The following HYCC2 variants were observed in gnomAD, a reference collection of about 807,000 sequenced individuals.
HYCC2 encodes hyccin 2.
the HYCC2 span, among the ~76,000 whole-genome samples, chr2:201,050,637 A>G: frequency 1.3e-5 from 2 of 151,648 alleles, no homozygotes. Flanking sequence ...TCCTATTTTT[A>G]AGAACCATTA....
At chr2:200,976,435 G>T in the HYCC2 span, 1 of 152,214 alleles carries the variant, frequency 6.6e-6, no homozygotes, top group Admixed American at 6.5e-5. Context: ...CTAAAGACAG[G>T]TACTACATTT....
the HYCC2 span, among the ~76,000 whole-genome samples, chr2:201,049,005 T>C: frequency 6.6e-6 from 1 of 151,440 alleles, no homozygotes; most frequent in South Asian, 2.1e-4. Context: ...GGTGTGTGCC[T>C]GTAGTCCCAG....
the HYCC2 span, among the ~76,000 whole-genome samples, chr2:201,059,353 T>C: frequency 6.6e-6 from 1 of 152,192 alleles, no homozygotes; most frequent in East Asian, 1.9e-4. Context: ...CCATCTCTTA[T>C]ACCTCTCAGA....
chr2:201,008,934 T>G, the HYCC2 span: 1 of 1,168,032 alleles, frequency 8.6e-7, no homozygotes, highest in African/African-American at 1.5e-5. Flanking sequence ...CATGCATACA[T>G]ACATACAAGT....
chr2:201,029,942 C>T, the HYCC2 span, among the ~76,000 whole-genome samples: 12 of 152,060 alleles, frequency 7.9e-5, no homozygotes, highest in African/African-American at 2.9e-4. Context: ...AAAAAATTAG[C>T]TGGATATAGT....
chr2:201,028,754 T>G, the HYCC2 span, among the ~76,000 whole-genome samples: 1 of 152,198 alleles, frequency 6.6e-6, no homozygotes, highest in Non-Finnish European at 1.5e-5. Context: ...GAAATCTGGA[T>G]AGCCAAATGT....
At chr2:201,008,156 A>G in the HYCC2 span, among the ~76,000 whole-genome samples, 284 of 152,312 alleles carry the variant, frequency 1.9e-3, 3 homozygotes, top group African/African-American at 6.4e-3. Context: ...GTCAGAAGTG[A>G]GGGCAATTTT....
At chr2:200,988,597 A>G in the HYCC2 span, among the ~76,000 whole-genome samples, 2 of 152,226 alleles carry the variant, frequency 1.3e-5, no homozygotes, top group African/African-American at 4.8e-5. Flanking sequence ...AATTTCTAAA[A>G]TATGAGTCAC....
chr2:201,031,718 C>T, the HYCC2 span, among the ~76,000 whole-genome samples: 3 of 152,158 alleles, frequency 2.0e-5, no homozygotes, highest in Middle Eastern at 3.4e-3. Flanking sequence ...AATTAAAAAC[C>T]ACATTCATGG....
At chr2:200,991,934 G>A in the HYCC2 span, among the ~76,000 whole-genome samples, 1 of 151,722 alleles carries the variant, frequency 6.6e-6, no homozygotes, top group Admixed American at 6.6e-5. Flanking sequence ...AGGTGTTTAT[G>A]TCGGGGCCGG....
chr2:201,034,498 G>A, the HYCC2 span, among the ~76,000 whole-genome samples: 1 of 152,090 alleles, frequency 6.6e-6, no homozygotes, highest in Non-Finnish European at 1.5e-5. Flanking sequence ...GCCTATGTGT[G>A]TCTCTGCACA....
At chr2:201,029,406 T>C in the HYCC2 span, among the ~76,000 whole-genome samples, 3 of 152,356 alleles carry the variant, frequency 2.0e-5, no homozygotes, top group East Asian at 5.8e-4. Context: ...AAATACCATT[T>C]GACCCAGCGA....
At chr2:200,984,588 C>T in the HYCC2 span, among the ~76,000 whole-genome samples, 1 of 152,202 alleles carries the variant, frequency 6.6e-6, no homozygotes, top group African/African-American at 2.4e-5. Context: ...TTCCTTTCTT[C>T]TGTTTAAAAA....
At chr2:201,022,293 G>A in the HYCC2 span, among the ~76,000 whole-genome samples, 2 of 152,066 alleles carry the variant, frequency 1.3e-5, no homozygotes, top group Non-Finnish European at 2.9e-5. Context: ...CTATCACAAG[G>A]CTAAATAATA....
the HYCC2 span, among the ~76,000 whole-genome samples, chr2:201,025,854 C>G: frequency 6.6e-6 from 1 of 152,028 alleles, no homozygotes. Flanking sequence ...AGGCCAGGAG[C>G]TTGAGACATG....
the HYCC2 span, chr2:201,023,903 T>A: frequency 7.6e-7 from 1 of 1,312,474 alleles, no homozygotes; most frequent in South Asian, 1.2e-5. Flanking sequence ...CATATTCAGT[T>A]TGAATTACTG....
the HYCC2 span, among the ~76,000 whole-genome samples, chr2:201,011,220 CATT>C: frequency 2.0e-5 from 3 of 152,042 alleles, no homozygotes; most frequent in African/African-American, 7.2e-5. Flanking sequence ...AGAAAATTTT[CATT>C]ATTTTCTACC....
chr2:201,034,395 T>C, the HYCC2 span, among the ~76,000 whole-genome samples: 9 of 152,338 alleles, frequency 5.9e-5, no homozygotes, highest in African/African-American at 2.2e-4. Flanking sequence ...TTTGTTGGTT[T>C]AAAGTCTGTT....
At chr2:201,031,213 A>T in the HYCC2 span, among the ~76,000 whole-genome samples, 1 of 152,210 alleles carries the variant, frequency 6.6e-6, no homozygotes, top group Non-Finnish European at 1.5e-5. Flanking sequence ...AGCTACTACC[A>T]TAGCATAGAA....
Sources: allele counts gnomAD v4.1 joint callset (sites outside exome capture counted in the v4.1 genomes callset), GRCh38; gene constraint gnomAD v4.1.1; transcripts MANE v1.5; gene names NCBI Gene and HGNC (gene_info 2026-07-23, HGNC 2026-07-21).